The following ZNF518B variants were observed in gnomAD, a reference collection of about 807,000 sequenced individuals.
ZNF518B encodes the protein zinc finger protein 518B.
A neutral mutation model predicts 56.3 loss-of-function variants in ZNF518B; 23 were observed. The observed-to-expected ratio is 0.41, with a 90% CI of 0.29 to 0.58. The LOEUF (loss-of-function observed/expected upper bound fraction) is 0.58. Ranked by LOEUF, ZNF518B falls within the 20% of genes least tolerant of loss-of-function variation. The probability of loss-of-function intolerance (pLI) is 0.32; values close to 1 mark genes in which losing one functional copy is unlikely to be tolerated. For synonymous variants in ZNF518B, 529 were observed against 465.9 expected (o/e 1.14, Z -1.74); for missense variants, 1,460 against 1,272.1 (o/e 1.15, Z -2.25).
upstream of ZNF518B, among the ~76,000 whole-genome samples, chr4:10,459,464 C>T (rs895681885): frequency 7.2e-5 from 11 of 152,116 alleles, no homozygotes; most frequent in African/African-American, 2.4e-4. Context: ...ACTTCTGTCA[C>T]GAGTTGAATT....
intron 1 of ZNF518B, among the ~76,000 whole-genome samples, chr4:10,455,941 C>T (rs1715507316): frequency 6.6e-6 from 1 of 152,074 alleles, no homozygotes; most frequent in African/African-American, 2.4e-5. Context: ...TTTTCTGAAC[C>T]CTTGGCTGTG....
chr4:10,443,416 G>A lies in ZNF518B; in HGVS notation c.2913C>T (p.Leu971=), dbSNP rs760070283. The change falls in exon 3 of 3, where the codon CTC becomes CTT. Residue 971 remains leucine (L), a synonymous_variant. Coordinates refer to ENST00000326756, the MANE Select transcript of ZNF518B (RefSeq NM_053042.3). The part of the protein sequence containing the change: ...KVINKYKGNV[L]KVVLSERTRC... ...TAGTCCTCTCTGATAAAACAACTTT[G>A]AGGACATTGCCTTTGTATTTATTTA... is the stretch of plus-strand genomic sequence containing the variant. 3.1e-6 allele frequency: 5 copies of A among 1,614,206 alleles called. No individual in the cohort carries two copies. In the East Asian group the frequency reaches 1.1e-4, roughly 36 times the overall value.
Position 10,441,951 on chromosome 4 carries a change from C to G in ZNF518B, c.*1153G>C, listed in dbSNP as rs574534300. 6.6e-6 allele frequency: 1 copy of G among 152,276 alleles called. No individual in the cohort carries two copies. Among genetic ancestry groups the G allele is most frequent in the Admixed American group, 6.5e-5 (1 of 15,306 alleles). The allele number at this position is 152,276 out of a possible 1,614,324, so 9.4% of individuals were successfully genotyped here. A position where few individuals can be genotyped will look rare whatever the true frequency, so the allele number is the denominator to read the frequency against. ...AACTTTAGCAAAAACAGTGGGAGGT[C>G]TCCATTTTGTTGATTCCTGCCATTT... On this transcript the variant is annotated 3_prime_UTR_variant, in exon 3 of 3. Transcript: ENST00000326756.
chr4:10,459,529 G>A (rs529679078), upstream of ZNF518B, among the ~76,000 whole-genome samples: 65 of 152,082 alleles, frequency 4.3e-4, no homozygotes, highest in Non-Finnish European at 7.6e-4. Context: ...CCAACTTATG[G>A]ATATGACCTT....
chr4:10,456,603 G>T (rs182753653), intron 1 of ZNF518B, among the ~76,000 whole-genome samples: 1 of 152,158 alleles, frequency 6.6e-6, no homozygotes, highest in Non-Finnish European at 1.5e-5. Context: ...GTTTATTGTC[G>T]GCACGCTCCC....
In ZNF518B at chr4:10,446,473, T is replaced by C. The variant is rs981943326; in HGVS notation, c.-145A>G. The C allele has an allele frequency of 5.4e-6, 4 of 734,528 alleles. No homozygotes were observed. The highest frequency in any genetic ancestry group is 3.5e-5 in the African/African-American group (2 of 56,400). The allele number at this position is 734,528 out of a possible 1,614,324, so 45.5% of individuals were successfully genotyped here. The stretch of plus-strand genomic sequence containing the variant: ...GCATACTTAATTATCTTTCTTTATA[T>C]ACTGCCGCAGTAGGTGCATGATCCC... On this transcript the variant is annotated 5_prime_UTR_variant, in exon 3 of 3. Coordinates refer to ENST00000326756, the MANE Select transcript of ZNF518B (RefSeq NM_053042.3).
chr4:10,456,515 T>G (rs373862517), intron 1 of ZNF518B, among the ~76,000 whole-genome samples: 6 of 152,106 alleles, frequency 3.9e-5, no homozygotes, highest in Non-Finnish European at 5.9e-5. Flanking sequence ...TCGCCCCCCG[T>G]AAAAGATGCG....
At position 10,444,375 on chromosome 4, in the gene ZNF518B, A is replaced by G; in HGVS notation, c.1954T>C (p.Trp652Arg). 1 of 1,614,156 alleles carries G rather than the reference A, an allele frequency of 6.2e-7. No homozygotes were observed. Among genetic ancestry groups the G allele is most frequent in the East Asian group, 2.2e-5 (1 of 44,880 alleles). Residue 652 changes from tryptophan to arginine, a missense_variant, in exon 3 of 3, where the codon TGG becomes CGG. By Grantham distance (101) the Trp-to-Arg change is moderately radical (BLOSUM62 -3). Coordinates refer to ENST00000326756, the MANE Select transcript of ZNF518B (RefSeq NM_053042.3). ...TTTATTTTAGACGTTGAGCTATTCC[A>G]CTTAATGCCCTCGGGGACATTTTCA... ...GSENVPEGIK[W>R]NSSTSKIKSI...
At position 10,445,632 on chromosome 4, in the gene ZNF518B, T is replaced by C; in HGVS notation, c.697A>G (p.Thr233Ala). ...TCTGGGTTTTGTTTTGAAGTTCCGG[T>C]TCTTTTTGGCTCCAGCTTGGCAACA... ...KAVAKLEPKR[T>A]GTSKQNPELL... Residue 233 changes from threonine to alanine, a missense_variant, in exon 3 of 3, where the codon ACC becomes GCC. Coordinates refer to ENST00000326756, the MANE Select transcript of ZNF518B (RefSeq NM_053042.3). 1.9e-6 allele frequency: 3 copies of C among 1,614,158 alleles called. No individual in the cohort carries two copies. The highest frequency in any genetic ancestry group is 2.5e-6 in the Non-Finnish European group (3 of 1,180,018).
Position 10,457,336 on chromosome 4 carries a change from T to G in ZNF518B, c.-415A>C, listed in dbSNP as rs1468066231. 4 of 151,746 alleles carry G rather than the reference T, an allele frequency of 2.6e-5. No homozygotes were observed. Among genetic ancestry groups the G allele is most frequent in the South Asian group, 4.1e-4 (2 of 4,828 alleles). 9.4% of individuals were successfully genotyped at this position (151,746 alleles called of 1,614,324 possible). On this transcript the variant is annotated 5_prime_UTR_variant, in exon 1 of 3. Coordinates refer to ENST00000326756, the MANE Select transcript of ZNF518B (RefSeq NM_053042.3). ...ACTTACCCGGCAGGCCGGATTCGGG[T>G]GCCAGGTCCCGGCGAAGGGGCGTCT...
intron 2 of ZNF518B, among the ~76,000 whole-genome samples, chr4:10,447,164 T>C (rs1198884630): frequency 1.3e-5 from 2 of 152,150 alleles, no homozygotes; most frequent in Non-Finnish European, 2.9e-5. Context: ...AGGTAGTGAA[T>C]GAAAGCAAAT....
chr4:10,440,869 A>G lies in ZNF518B; in HGVS notation c.*2235T>C, dbSNP rs962879565. Reference sequence around the variant, plus strand: ...ATAAAAAAGTGGCAAACAAAACAAAACAAAAAAAAACCACAGCCTTTTCTT... The same window carrying G: ...ATAAAAAAGTGGCAAACAAAACAAAGCAAAAAAAAACCACAGCCTTTTCTT... On this transcript the variant is annotated 3_prime_UTR_variant, in exon 3 of 3. Transcript: ENST00000326756. The G allele has an allele frequency of 6.6e-6, 1 of 152,424 alleles. No homozygotes were observed. The highest frequency in any genetic ancestry group is 1.5e-5 in the Non-Finnish European group (1 of 68,022). The allele number at this position is 152,424 out of a possible 1,614,324, so 9.4% of individuals were successfully genotyped here. A position where few individuals can be genotyped will look rare whatever the true frequency, so the allele number is the denominator to read the frequency against.
Position 10,443,068 on chromosome 4 carries a change from C to G in ZNF518B, c.*36G>C. On this transcript the variant is annotated 3_prime_UTR_variant, in exon 3 of 3. Transcript: ENST00000326756. ...TGGAGGGACTCCAAACCAGAATAAA[C>G]TAAAAGATAACTTGCTTTAAAGAGT... is the stretch of plus-strand genomic sequence containing the variant. The G allele has an allele frequency of 6.4e-7, 1 of 1,567,710 alleles. No homozygotes were observed. The highest frequency in any genetic ancestry group is 2.2e-5 in the East Asian group (1 of 44,522).
In ZNF518B at chr4:10,441,195, C is replaced by T. The variant is rs1378915296; in HGVS notation, c.*1909G>A. 1.3e-5 allele frequency: 2 copies of T among 152,294 alleles called. No individual in the cohort carries two copies. The highest frequency in any genetic ancestry group is 4.8e-5 in the African/African-American group (2 of 41,324). 9.4% of individuals were successfully genotyped at this position (152,294 alleles called of 1,614,324 possible). On this transcript the variant is annotated 3_prime_UTR_variant, in exon 3 of 3. Coordinates refer to ENST00000326756, the MANE Select transcript of ZNF518B (RefSeq NM_053042.3). Reference sequence around the variant, plus strand: ...TAAAAACGTTCTACATTTTTCCAGCCCATGTATCATTATAAAATAGGAAAT... The same window carrying T: ...TAAAAACGTTCTACATTTTTCCAGCTCATGTATCATTATAAAATAGGAAAT...
rs1714598323 is a variant in ZNF518B, at chr4:10,439,986, G to T, written c.*3118C>A. 6.6e-6 allele frequency: 1 copy of T among 152,522 alleles called. No individual in the cohort carries two copies. The highest frequency in any genetic ancestry group is 2.4e-5 in the African/African-American group (1 of 41,430). The allele number at this position is 152,522 out of a possible 1,614,324, so 9.4% of individuals were successfully genotyped here. A position where few individuals can be genotyped will look rare whatever the true frequency, so the allele number is the denominator to read the frequency against. Reference sequence around the variant, plus strand: ...AACCAGAGCAGCAGACACACAAACTGTTAACACAGGAATTACAATAATGCT... The same window carrying T: ...AACCAGAGCAGCAGACACACAAACTTTTAACACAGGAATTACAATAATGCT... On this transcript the variant is annotated 3_prime_UTR_variant, in exon 3 of 3. Transcript: ENST00000326756.
chr4:10,450,452 T>G (rs964930335), intron 2 of ZNF518B, among the ~76,000 whole-genome samples: 2 of 152,196 alleles, frequency 1.3e-5, no homozygotes, highest in Non-Finnish European at 2.9e-5. Context: ...GCATCTCAGA[T>G]GTAATACTCC....
intron 2 of ZNF518B, among the ~76,000 whole-genome samples, chr4:10,448,299 T>A (rs530645626): frequency 6.6e-6 from 1 of 152,268 alleles, no homozygotes; most frequent in South Asian, 2.1e-4. Context: ...GCAACACAGG[T>A]AGCTTCCTTC....
In ZNF518B at chr4:10,445,306, T is replaced by C. The variant is rs1410879031; in HGVS notation, c.1023A>G (p.Ala341=). The C allele has an allele frequency of 4.3e-6, 7 of 1,614,066 alleles. No individual in the cohort carries two copies. In the African/African-American group the frequency reaches 9.3e-5, roughly 22 times the overall value. The change falls in exon 3 of 3, where the codon GCA becomes GCG. Residue 341 remains alanine (A), a synonymous_variant. Coordinates refer to ENST00000326756, the MANE Select transcript of ZNF518B (RefSeq NM_053042.3). Reference sequence around the variant, plus strand: ...CATCTATCAACTGGGCTAAACAGTTTGCAGGGACAACTAGTTCTGCTGGTG... The same window carrying C: ...CATCTATCAACTGGGCTAAACAGTTCGCAGGGACAACTAGTTCTGCTGGTG... The part of the protein sequence containing the change: ...VVAPAELVVP[A]NCLAQLIDVK...
chr4:10,445,882 C>T lies in ZNF518B; in HGVS notation c.447G>A (p.Gln149=). The T allele has an allele frequency of 1.2e-6, 2 of 1,614,218 alleles. No homozygotes were observed. The highest frequency in any genetic ancestry group is 1.7e-6 in the Non-Finnish European group (2 of 1,180,044). The change falls in exon 3 of 3, where the codon CAG becomes CAA. Residue 149 remains glutamine (Q), a synonymous_variant. Coordinates refer to ENST00000326756, the MANE Select transcript of ZNF518B (RefSeq NM_053042.3). The part of the protein sequence containing the change: ...KCRFSTKDPL[Q]YKKHTLQHEE... Reference sequence around the variant, plus strand: ...CGTGTTGAAGGGTGTGCTTTTTGTACTGCAGCGGGTCCTTTGTAGAGAATC... The same window carrying T: ...CGTGTTGAAGGGTGTGCTTTTTGTATTGCAGCGGGTCCTTTGTAGAGAATC...
Sources: gnomAD v4.1 joint callset for allele counts (sites outside exome capture counted in the v4.1 genomes callset) on GRCh38, gnomAD v4.1.1 for gene constraint, MANE v1.5 for transcripts, NCBI Gene and HGNC (gene_info 2026-07-23, HGNC 2026-07-21) for gene names.